NR4A1: variants seen among roughly 807,000 people sequenced by gnomAD.
NR4A1 encodes the protein nuclear receptor subfamily 4 group A member 1, also known as nuclear receptor subfamily 4immunitygroup A member 1.
Under a neutral mutation model 47.5 loss-of-function variants are expected in NR4A1, and 24 were observed. That is an observed-to-expected ratio of 0.50 (90% confidence interval 0.37 to 0.71). The LOEUF (loss-of-function observed/expected upper bound fraction) is 0.71, where lower values mean the gene tolerates loss of function less well. Ranked by LOEUF, NR4A1 falls within the 30% of genes least tolerant of loss-of-function variation. The pLI is 0.00. For missense variants in NR4A1, 669 were observed against 788.6 expected (o/e 0.85, Z 1.82); for synonymous variants, 353 against 345.7 (o/e 1.02, Z -0.24).
upstream of NR4A1, among the ~76,000 whole-genome samples, chr12:52,049,165 A>C (rs770978808): frequency 6.6e-6 from 1 of 152,186 alleles, no homozygotes; most frequent in Admixed American, 6.5e-5. Flanking sequence ...CAGGACCCCA[A>C]CTTGTACTGC....
At chr12:52,027,984 T>C (rs1435115658) in intron 1 of NR4A1, among the ~76,000 whole-genome samples, 1 of 152,022 alleles carries the variant, frequency 6.6e-6, no homozygotes, top group African/African-American at 2.4e-5. Flanking sequence ...GGAGGATTGC[T>C]TGAGTCCAGG....
Position 52,058,979 on chromosome 12 carries a change from C to A in NR4A1, c.*35C>A. ...GGGAACACGTGTGCACATGCGCACTCTCATATGCCACCCCATGTGCCTTTA... is the reference window on the plus strand; with the variant it reads ...GGGAACACGTGTGCACATGCGCACTATCATATGCCACCCCATGTGCCTTTA... On this transcript the variant is annotated 3_prime_UTR_variant, in exon 7 of 7. Coordinates refer to ENST00000394825, the MANE Select transcript of NR4A1 (RefSeq NM_173157.3). The A allele has an allele frequency of 6.3e-7, 1 of 1,581,118 alleles. No homozygotes were observed.
chr12:52,054,104 C>T, intron 1 of NR4A1: 1 of 555,376 alleles, frequency 1.8e-6, no homozygotes, highest in Admixed American at 3.4e-5. Flanking sequence ...ATGGAGCCCA[C>T]TCATGCTGGG....
intron 1 of NR4A1, among the ~76,000 whole-genome samples, chr12:52,030,117 G>T (rs552735195): frequency 6.6e-6 from 1 of 152,336 alleles, no homozygotes; most frequent in East Asian, 1.9e-4. Context: ...GTGGGCACAG[G>T]CAAGGTCTTC....
chr12:52,037,245 G>C (rs1365098815), intron 1 of NR4A1: 1 of 432,674 alleles, frequency 2.3e-6, no homozygotes, highest in African/African-American at 2.2e-5. Flanking sequence ...GGCGGGGGGC[G>C]CTGAGCGGCT....
Position 52,056,558 on chromosome 12 carries a change from A to G in NR4A1, c.1071A>G (p.Pro357=), listed in dbSNP as rs778032824. The stretch of plus-strand genomic sequence containing the variant: ...TACCTTCAAAACCCAAGCAGCCCCC[A>G]GATGCCTCCCCTGCCAATCTCCTCA... ...GRLPSKPKQP[P]DASPANLLTS... The change falls in exon 4 of 7, where the codon CCA becomes CCG. Residue 357 remains proline, a synonymous_variant. Transcript: ENST00000394825. The G allele has an allele frequency of 1.9e-6, 3 of 1,613,696 alleles. No individual in the cohort carries two copies. The highest frequency in any genetic ancestry group is 1.7e-5 in the Admixed American group (1 of 59,930).
chr12:52,056,698 C>A, intron 4 of NR4A1, 53 bp downstream of exon 4: 1 of 1,486,134 alleles, frequency 6.7e-7, no homozygotes. Flanking sequence ...ACATGCAGTG[C>A]CTTTGTGCGT....
intron 1 of NR4A1, among the ~76,000 whole-genome samples, chr12:52,025,738 T>C (rs1937987557): frequency 1.3e-5 from 2 of 152,236 alleles, no homozygotes; most frequent in Non-Finnish European, 2.9e-5. Flanking sequence ...GAAGAGGGCC[T>C]GGCACATAGC....
Position 52,056,499 on chromosome 12 carries a change from C to G in NR4A1, c.1012C>G (p.Arg338Gly). ...CCCTACCCATTCCTTTGCAGTTGTCCGAACAGACAGCCTGAAGGGGCGGCG... is the reference window on the plus strand; with the variant it reads ...CCCTACCCATTCCTTTGCAGTTGTCGGAACAGACAGCCTGAAGGGGCGGCG... ...LAVGMVKEVVRTDSLKGRRGR... is the reference protein window; with the variant it reads ...LAVGMVKEVVGTDSLKGRRGR... Residue 338 changes from arginine (R) to glycine (G), a missense_variant, in exon 4 of 7, where the codon CGA (arginine) becomes GGA (glycine). Coordinates refer to ENST00000394825, the MANE Select transcript of NR4A1 (RefSeq NM_173157.3). 1.2e-6 allele frequency: 2 copies of G among 1,612,906 alleles called. No individual in the cohort carries two copies. Among genetic ancestry groups the G allele is most frequent in the Non-Finnish European group, 1.7e-6 (2 of 1,179,634 alleles).
chr12:52,054,569 G>A lies in NR4A1; in HGVS notation c.241G>A (p.Ala81Thr). Residue 81 changes from alanine (A) to threonine (T), a missense_variant, in exon 2 of 7, where the codon GCC (alanine) becomes ACC (threonine). Ala to Thr is a moderately conservative substitution (Grantham distance 58). Coordinates refer to ENST00000394825, the MANE Select transcript of NR4A1 (RefSeq NM_173157.3). ...AGGAACAGTCCAGCCATGCTCCTCA[G>A]CCTCCTCCTCGGCCTCCTCCACATC... Reference protein sequence around the residue: ...LPGTVQPCSSASSSASSTSSS... With the variant: ...LPGTVQPCSSTSSSASSTSSS... 2 of 1,614,066 alleles carry A rather than the reference G, an allele frequency of 1.2e-6. No individual in the cohort carries two copies. Among genetic ancestry groups the A allele is most frequent in the Non-Finnish European group, 1.7e-6 (2 of 1,179,980 alleles).
At chr12:52,033,237 G>C (rs994200061) in intron 1 of NR4A1, among the ~76,000 whole-genome samples, 2 of 151,002 alleles carry the variant, frequency 1.3e-5, no homozygotes, top group South Asian at 4.3e-4. Flanking sequence ...CTTCCGGCCC[G>C]GCGTTCCGGT....
intron 1 of NR4A1, among the ~76,000 whole-genome samples, chr12:52,039,210 G>A (rs1486046671): frequency 1.3e-5 from 2 of 152,224 alleles, no homozygotes; most frequent in South Asian, 2.1e-4. Context: ...TCTGGCACAT[G>A]TTGTTTAACA....
upstream of NR4A1, among the ~76,000 whole-genome samples, chr12:52,048,822 CT>C (rs879809627): frequency 2.0e-3 from 285 of 144,970 alleles, 1 homozygote; most frequent in Middle Eastern, 3.5e-3. Context: ...GGTTTTAAAC[CT>C]TTTTTTTTTT....
At chr12:52,037,741 T>G in intron 1 of NR4A1, 1 of 985,398 alleles carries the variant, frequency 1.0e-6, no homozygotes, top group Non-Finnish European at 1.2e-6. Flanking sequence ...GGGAACCGGT[T>G]CCAGGAGCGC....
chr12:52,047,880 G>C (rs547313693), upstream of NR4A1, among the ~76,000 whole-genome samples: 699 of 152,328 alleles, frequency 4.6e-3, 8 homozygotes, highest in African/African-American at 0.015. Context: ...CTGGGCCGAG[G>C]GCGGTGGCTC....
At chr12:52,050,815 G>A (rs528820722), upstream of NR4A1, among the ~76,000 whole-genome samples, 7 of 152,348 alleles carry the variant, frequency 4.6e-5, no homozygotes, top group Non-Finnish European at 8.8e-5. Flanking sequence ...TGAGGGCGCA[G>A]GCTCCCCAGG....
At chr12:52,046,045 A>G (rs943415342) in intron 2 of NR4A1, among the ~76,000 whole-genome samples, 1 of 152,014 alleles carries the variant, frequency 6.6e-6, no homozygotes, top group Non-Finnish European at 1.5e-5. Context: ...GGCAAAGCTC[A>G]CTCCTTCTGC....
rs1939322599 is a variant in NR4A1 at position 52,057,273 on chromosome 12, A to T, written c.1361+14A>T. On this transcript the variant is annotated intron_variant, in intron 5 of 6. Transcript: ENST00000394825. ...CCTGGCGTACAGGTGAGAGCCACTGACTGTCTGCCCAGCCCCTTTCCCTGA... is the reference window on the plus strand; with the variant it reads ...CCTGGCGTACAGGTGAGAGCCACTGTCTGTCTGCCCAGCCCCTTTCCCTGA... The T allele has an allele frequency of 3.1e-6, 5 of 1,613,100 alleles. No individual in the cohort carries two copies. Among genetic ancestry groups the T allele is most frequent in the South Asian group, 2.2e-5 (2 of 90,916 alleles).
At chr12:52,039,126 G>A (rs560775040) in intron 1 of NR4A1, among the ~76,000 whole-genome samples, 1 of 152,338 alleles carries the variant, frequency 6.6e-6, no homozygotes, top group African/African-American at 2.4e-5. Flanking sequence ...TTGGTAAAAT[G>A]TGCATAATAA....
Sources: gnomAD v4.1 joint callset for allele counts (sites outside exome capture counted in the v4.1 genomes callset) on GRCh38, gnomAD v4.1.1 for gene constraint, MANE v1.5 for transcripts, NCBI Gene and HGNC (gene_info 2026-07-23, HGNC 2026-07-21) for gene names.